The following PAPPA variants were observed in gnomAD, a reference collection of about 807,000 sequenced individuals.
The protein encoded by PAPPA is pappalysin-1.
PAPPA carries 60 observed loss-of-function variants against 164.0 expected under a neutral mutation model. The ratio of observed to expected loss-of-function variants is 0.37; its 90% CI spans 0.30 to 0.45. PAPPA has a LOEUF of 0.45. PAPPA is among the 20% of genes least tolerant of loss of function. PAPPA has a pLI of 1.00. For missense variants in PAPPA, 1,782 were observed against 2,087.3 expected, an observed-to-expected ratio of 0.85 and a Z score of 2.85; for synonymous variants, 875 against 814.1, an observed-to-expected ratio of 1.07 and a Z score of -1.27.
chr9:116,309,522 C>T (rs1345718655), intron 10 of PAPPA, among the ~76,000 whole-genome samples: 7 of 152,108 alleles, frequency 4.6e-5, no homozygotes, highest in South Asian at 2.1e-4. Flanking sequence ...AATCTTTCCA[C>T]GTACACTTAT....
chr9:116,273,092 C>T (rs1845155874), intron 9 of PAPPA, among the ~76,000 whole-genome samples: 2 of 152,130 alleles, frequency 1.3e-5, no homozygotes, highest in East Asian at 3.8e-4. Context: ...AAAATATCTG[C>T]CTGTTTGACT....
At chr9:116,273,517 G>C (rs1845161072) in intron 9 of PAPPA, among the ~76,000 whole-genome samples, 1 of 152,146 alleles carries the variant, frequency 6.6e-6, no homozygotes, top group Non-Finnish European at 1.5e-5. Flanking sequence ...CATGAATTTG[G>C]GATATTTTAT....
intron 1 of PAPPA, among the ~76,000 whole-genome samples, chr9:116,182,314 T>C (rs1843916758): frequency 6.6e-6 from 1 of 152,206 alleles, no homozygotes; most frequent in Non-Finnish European, 1.5e-5. Context: ...TAACTTTCAA[T>C]AACAAACTCT....
Position 116,207,614 on chromosome 9 carries a change from A to T in PAPPA, c.1624+13A>T. The T allele has an allele frequency of 6.2e-7, 1 of 1,609,422 alleles. No homozygotes were observed. The highest frequency in any genetic ancestry group is 8.5e-7 in the Non-Finnish European group (1 of 1,177,790). ...CTGATGCACTTAGGTGAGTCTTAGA[A>T]ACTCCTTCAGGAGGCAACTAGAGTA... On this transcript the variant is annotated intron_variant, in intron 3 of 21. Coordinates refer to ENST00000328252, the MANE Select transcript of PAPPA (RefSeq NM_002581.5).
intron 10 of PAPPA, among the ~76,000 whole-genome samples, chr9:116,325,955 C>T (rs1845915666): frequency 2.6e-5 from 4 of 152,186 alleles, no homozygotes. Context: ...GGAATGATCT[C>T]AGCAGATAAC....
intron 21 of PAPPA, among the ~76,000 whole-genome samples, chr9:116,389,750 AC>A (rs1478968267): frequency 1.3e-5 from 2 of 150,410 alleles, no homozygotes; most frequent in African/African-American, 4.9e-5. Flanking sequence ...AATGACTCCA[AC>A]CCTGACCACC....
At chr9:116,259,292 C>T (rs205313) in intron 7 of PAPPA, among the ~76,000 whole-genome samples, 149,545 of 152,050 alleles carry the variant, frequency 0.98, 73,591 homozygotes, top group Middle Eastern at 1. Context: ...CAACAACATA[C>T]GAAAAACACA....
intron 21 of PAPPA, among the ~76,000 whole-genome samples, chr9:116,385,090 C>T (rs541359447): frequency 7.1e-4 from 107 of 151,724 alleles, no homozygotes; most frequent in African/African-American, 2.4e-3. Context: ...AAAAATTAGC[C>T]GGGTGTGGTG....
intron 10 of PAPPA, among the ~76,000 whole-genome samples, chr9:116,308,925 T>C (rs1436082667): frequency 1.3e-5 from 2 of 152,156 alleles, no homozygotes; most frequent in African/African-American, 4.8e-5. Context: ...TGCTTAATTA[T>C]AGTAGGGATA....
intron 9 of PAPPA, among the ~76,000 whole-genome samples, chr9:116,300,577 T>C (rs78687666): frequency 3.7e-4 from 57 of 152,306 alleles, no homozygotes; most frequent in African/African-American, 1.3e-3. Context: ...CCGGCCCTAT[T>C]TGGGCTCTTT....
intron 1 of PAPPA, among the ~76,000 whole-genome samples, chr9:116,173,241 T>A (rs1356965842): frequency 6.6e-6 from 1 of 152,238 alleles, no homozygotes; most frequent in African/African-American, 2.4e-5. Flanking sequence ...TTATAATTTA[T>A]GATTTTCTAA....
At chr9:116,220,539 G>GAT (rs1047174888) in intron 5 of PAPPA, among the ~76,000 whole-genome samples, 2 of 124,038 alleles carry the variant, frequency 1.6e-5, no homozygotes, top group East Asian at 3.0e-4. Context: ...CTTATATATG[G>GAT]ATATATATAT....
chr9:116,376,989 CAG>C (rs756419577), intron 19 of PAPPA, among the ~76,000 whole-genome samples: 1 of 152,146 alleles, frequency 6.6e-6, no homozygotes, highest in Non-Finnish European at 1.5e-5. Context: ...TGCTAAAATG[CAG>C]AGTCTCAGGG....
intron 9 of PAPPA, among the ~76,000 whole-genome samples, chr9:116,292,194 TAC>T (rs1845444638): frequency 6.6e-6 from 1 of 152,194 alleles, no homozygotes; most frequent in Admixed American, 6.5e-5. Context: ...TAGGCCTGGA[TAC>T]AGACTTTGAA....
intron 1 of PAPPA, among the ~76,000 whole-genome samples, chr9:116,174,090 A>C (rs905875019): frequency 1.3e-5 from 2 of 152,180 alleles, no homozygotes; most frequent in African/African-American, 4.8e-5. Context: ...TAAAATGGTG[A>C]TAATAATAAT....
chr9:116,363,608 A>G (rs1846458568), intron 18 of PAPPA, among the ~76,000 whole-genome samples: 1 of 152,190 alleles, frequency 6.6e-6, no homozygotes, highest in African/African-American at 2.4e-5. Context: ...TTTTGGGCTG[A>G]TTCCCTAATT....
In PAPPA at chr9:116,188,163, C is replaced by A; in HGVS notation, c.1425C>A (p.Asp475Glu). Reference protein sequence around the residue: ...RFNFDGGECCDPEITNVTQTC... With the variant: ...RFNFDGGECCEPEITNVTQTC... ...ACTTTGATGGTGGAGAGTGCTGTGA[C>A]CCTGAAATCACCAATGTCACTCAGA... The change falls in exon 2 of 22, where the codon GAC (aspartate) becomes GAA (glutamate). Residue 475 changes from aspartate to glutamate, a missense_variant. Physicochemically the swap from Asp to Glu is conservative, Grantham distance 45. Around this residue, in one of 2 missense-constraint regions of PAPPA, gnomAD observed 1,324 missense variants for 1,656.9 expected, o/e 0.80. Coordinates refer to ENST00000328252, the MANE Select transcript of PAPPA (RefSeq NM_002581.5). 1 of 1,614,016 alleles carries A rather than the reference C, an allele frequency of 6.2e-7. No individual in the cohort carries two copies. Among genetic ancestry groups the A allele is most frequent in the South Asian group, 1.1e-5 (1 of 91,076 alleles).
At chr9:116,246,701 A>G (rs1162601298) in intron 7 of PAPPA, among the ~76,000 whole-genome samples, 1 of 152,176 alleles carries the variant, frequency 6.6e-6, no homozygotes, top group Non-Finnish European at 1.5e-5. Flanking sequence ...AGTTTGCTAA[A>G]AAGCAAGGTT....
intron 2 of PAPPA, 88 bp from the exon 3 acceptor site, chr9:116,207,368 G>A (rs1000298991): frequency 2.8e-6 from 3 of 1,053,422 alleles, no homozygotes; most frequent in South Asian, 3.5e-5. Flanking sequence ...CAAAATGCCT[G>A]GCACTCATAG....
Sources: allele counts gnomAD v4.1 joint callset (sites outside exome capture counted in the v4.1 genomes callset), GRCh38; gene constraint gnomAD v4.1.1; regional missense constraint gnomAD v4.1.1; transcripts MANE v1.5; gene names NCBI Gene and HGNC (gene_info 2026-07-23, HGNC 2026-07-21).